Variants in MORN1 observed in about 807,000 individuals in gnomAD.
MORN1 encodes the protein MORN repeat-containing protein 1.
A neutral mutation model predicts 61.9 loss-of-function variants in MORN1; 67 were observed. The observed-to-expected ratio is 1.08, with a 90% confidence interval of 0.89 to 1.33. The LOEUF is 1.33. MORN1 is among the 40% of genes most tolerant of loss of function. The probability of loss-of-function intolerance (pLI) is 0.00; values close to 1 mark genes in which losing one functional copy is unlikely to be tolerated. For missense variants in MORN1, 752 were observed against 691.2 expected (o/e 1.09, Z -0.99); for synonymous variants, 301 against 292.0 (o/e 1.03, Z -0.31).
At chr1:2,329,481 C>A (rs1184472865) in intron 12 of MORN1, among the ~76,000 whole-genome samples, 2 of 152,190 alleles carry the variant, frequency 1.3e-5, no homozygotes, top group Non-Finnish European at 2.9e-5. Flanking sequence ...CCTGGGAGTT[C>A]TCATCCCTGG....
At chr1:2,351,990 G>C (rs1206041707) in intron 10 of MORN1, 1 of 515,054 alleles carries the variant, frequency 1.9e-6, no homozygotes, top group Admixed American at 2.5e-5. Context: ...GCCCCCTCCA[G>C]GAATGAGACC....
rs148747450 is a variant in MORN1, at chr1:2,385,047, G to A, written c.468C>T (p.Asp156=). 7.3e-5 allele frequency: 116 copies of A among 1,596,104 alleles called. No homozygotes were observed. The African/African-American group carries it at 8.3e-4, about 11-fold the overall frequency. ...QMLFQNGDKY[D]GDWVRDRRQG... ...GACGCCGGTCCCGGACCCAGTCGCC[G>A]TCGTACTTGTCACCGTTCCTGGGGG... Residue 156 remains aspartate (D), a synonymous_variant, in exon 6 of 14, where the codon GAC becomes GAT. Coordinates refer to ENST00000378531, the MANE Select transcript of MORN1 (RefSeq NM_024848.3).
chr1:2,362,614 T>C, intron 8 of MORN1, among the ~76,000 whole-genome samples: 1 of 152,164 alleles, frequency 6.6e-6, no homozygotes, highest in African/African-American at 2.4e-5. Flanking sequence ...AAATAATGGT[T>C]GAAAAATTTC....
intron 10 of MORN1, among the ~76,000 whole-genome samples, chr1:2,342,773 G>A (rs1348898971): frequency 6.6e-6 from 1 of 151,994 alleles, no homozygotes; most frequent in African/African-American, 2.4e-5. Context: ...ATGGGCCCTA[G>A]CACTGTCACC....
intron 10 of MORN1, among the ~76,000 whole-genome samples, chr1:2,356,142 G>A (rs1306496332): frequency 6.6e-6 from 1 of 152,172 alleles, no homozygotes; most frequent in Non-Finnish European, 1.5e-5. Flanking sequence ...GGCACTTGGG[G>A]AGGCGGCGCG....
chr1:2,323,180 G>A (rs1316221824), intron 13 of MORN1: 1 of 985,258 alleles, frequency 1.0e-6, no homozygotes, highest in Non-Finnish European at 1.2e-6. Flanking sequence ...GCTGCTGTGG[G>A]ACCACGGGGG....
In MORN1 at chr1:2,346,618, T is replaced by C. The variant is rs575635439; in HGVS notation, c.1037-9768A>G. ...CCAGGCTGGTCTTGATTTCCTGACC[T>C]CAGGTGATCCACCCGCCTTGACCTC... On this transcript the variant is annotated intron_variant, in intron 10 of 13. Transcript: ENST00000378531. Among the ~76,000 whole-genome samples, 54 of 152,304 alleles carry C rather than the reference T, an allele frequency of 3.5e-4. No homozygotes were observed. The South Asian group carries it at 9.3e-3, about 26-fold the overall frequency.
chr1:2,371,596 G>C (rs1385246769), intron 8 of MORN1: 2 of 152,196 alleles, frequency 1.3e-5, no homozygotes, highest in African/African-American at 4.8e-5. Context: ...CAGCAATTTT[G>C]GAAAAACAGT....
At chr1:2,385,690 C>T (rs781018991) in intron 5 of MORN1, 117 bp downstream of exon 5, 256 of 896,342 alleles carry the variant, frequency 2.9e-4, no homozygotes, top group Non-Finnish European at 3.8e-4. Context: ...CAGCAGGGGC[C>T]GGAACAGGCC....
chr1:2,331,315 G>A (rs767120979), intron 12 of MORN1, among the ~76,000 whole-genome samples: 18 of 152,090 alleles, frequency 1.2e-4, no homozygotes, highest in Non-Finnish European at 2.4e-4. Context: ...AGGCAGCACG[G>A]GCCAGGGCAG....
intron 8 of MORN1, among the ~76,000 whole-genome samples, chr1:2,367,799 C>T (rs12069579): frequency 0.31 from 47,287 of 151,976 alleles, 8,015 homozygotes; most frequent in South Asian, 0.45. Context: ...AGCTAGTTTT[C>T]GTATTTTTTA....
chr1:2,322,435 C>T (rs769078833), intron 13 of MORN1: 28 of 985,248 alleles, frequency 2.8e-5, no homozygotes, highest in African/African-American at 3.5e-5. Context: ...GCGCTCCCCT[C>T]GCAGAGCGGC....
At chr1:2,386,520 C>G (rs1642502792) in intron 4 of MORN1, 1 of 153,582 alleles carries the variant, frequency 6.5e-6, no homozygotes, top group African/African-American at 2.4e-5. Flanking sequence ...ACCTCTGCCT[C>G]CTGGGTTCAA....
chr1:2,374,674 A>G, intron 6 of MORN1, 117 bp from the exon 7 acceptor site: 1 of 783,194 alleles, frequency 1.3e-6, no homozygotes, highest in Non-Finnish European at 2.1e-6. Context: ...AGGCTGCTAG[A>G]AAACCACATC....
In MORN1 at chr1:2,357,031, G is replaced by A. The variant is rs994141026; in HGVS notation, c.1036+401C>T. Among the ~76,000 whole-genome samples the A allele has an allele frequency of 5.3e-5, 8 of 152,136 alleles. No individual in the cohort carries two copies. Among genetic ancestry groups the A allele is most frequent in the Admixed American group, 1.3e-4 (2 of 15,286 alleles). On this transcript the variant is annotated intron_variant, in intron 10 of 13. Coordinates refer to ENST00000378531, the MANE Select transcript of MORN1 (RefSeq NM_024848.3). This position sits in a 1 kb window ranked among gnomAD's most constrained non-coding sequence, Gnocchi z 6.3. ...TGACCTCGAGAGAGCAGTCGGCGCC[G>A]CGGCCCCCAGAGCCATGGCCGGCGG...
intron 5 of MORN1, 82 bp downstream of exon 5, chr1:2,385,725 C>T: frequency 2.3e-6 from 3 of 1,331,212 alleles, no homozygotes; most frequent in Non-Finnish European, 3.2e-6. Context: ...GCAGTCCTGT[C>T]TACACCCCCA....
At chr1:2,325,194 T>TC (rs1640996102) in intron 12 of MORN1, among the ~76,000 whole-genome samples, 2 of 4,756 alleles carry the variant, frequency 4.2e-4, no homozygotes, top group Non-Finnish European at 9.6e-4. Context: ...TTCCTTCACT[T>TC]CCTTCTTTTT....
At chr1:2,326,357 A>G (rs1641026125) in intron 12 of MORN1, 1 of 152,024 alleles carries the variant, frequency 6.6e-6, no homozygotes, top group Admixed American at 6.6e-5. Flanking sequence ...CTGCCAGCCT[A>G]AGAGAAAGGA....
chr1:2,378,700 C>T (rs1480238171), intron 6 of MORN1: 16 of 354,236 alleles, frequency 4.5e-5, no homozygotes, highest in Non-Finnish European at 7.2e-5. Flanking sequence ...TGCACACACA[C>T]GTGTGGCCTC....
Sources: allele counts gnomAD v4.1 joint callset (sites outside exome capture counted in the v4.1 genomes callset), GRCh38; gene constraint gnomAD v4.1.1; non-coding constraint Gnocchi (gnomAD v3.1); transcripts MANE v1.5; gene names NCBI Gene and HGNC (gene_info 2026-07-23, HGNC 2026-07-21).